Variants in ZNF804B observed in about 807,000 individuals in gnomAD.
The protein encoded by ZNF804B is zinc finger protein 804B.
Under a neutral mutation model 101.4 loss-of-function variants are expected in ZNF804B, and 80 were observed. The ratio of observed to expected loss-of-function variants is 0.79; its 90% CI spans 0.66 to 0.95. The LOEUF (loss-of-function observed/expected upper bound fraction) is 0.95. Ranked by LOEUF, ZNF804B falls within the 40% of genes least tolerant of loss-of-function variation. The pLI, the probability that ZNF804B is intolerant of heterozygous loss-of-function variation, is 0.00. For missense variants in ZNF804B, 1,673 were observed against 1,561.9 expected, an observed-to-expected ratio of 1.07 and a Z score of -1.20; for synonymous variants, 622 against 558.8, an observed-to-expected ratio of 1.11 and a Z score of -1.59.
intron 1 of ZNF804B, among the ~76,000 whole-genome samples, chr7:88,763,326 G>C (rs920080729): frequency 2.0e-5 from 3 of 152,020 alleles, no homozygotes; most frequent in Non-Finnish European, 4.4e-5. Context: ...GAGAAATAAA[G>C]CATTTTACCC....
At chr7:89,145,958 T>A (rs1294134219) in intron 1 of ZNF804B, among the ~76,000 whole-genome samples, 2 of 152,112 alleles carry the variant, frequency 1.3e-5, no homozygotes, top group African/African-American at 4.8e-5. Context: ...CTCAAAAACT[T>A]TCTGGCATGA....
chr7:88,958,337 C>A (rs796360212), intron 1 of ZNF804B, among the ~76,000 whole-genome samples: 1 of 151,432 alleles, frequency 6.6e-6, no homozygotes, highest in Non-Finnish European at 1.5e-5. Context: ...GGAGGCTCCT[C>A]GTGCATATGA....
At chr7:88,898,179 C>T (rs1291578239) in intron 1 of ZNF804B, among the ~76,000 whole-genome samples, 2 of 143,186 alleles carry the variant, frequency 1.4e-5, no homozygotes, top group African/African-American at 2.6e-5. Flanking sequence ...CTCCGCCTCC[C>T]GGGTTCACGC....
At chr7:89,080,292 CT>C (rs1341275940) in intron 1 of ZNF804B, among the ~76,000 whole-genome samples, 3 of 131,512 alleles carry the variant, frequency 2.3e-5, no homozygotes, top group Admixed American at 2.3e-4. Flanking sequence ...GTCTCTTCAC[CT>C]TAAAAAAAAA....
At chr7:89,265,293 TGCGC>T (rs1554386387) in intron 2 of ZNF804B, among the ~76,000 whole-genome samples, 4 of 120,606 alleles carry the variant, frequency 3.3e-5, no homozygotes, top group Admixed American at 9.0e-5. Flanking sequence ...TGTGTGTGTG[TGCGC>T]GTGCGCGCGC....
intron 1 of ZNF804B, among the ~76,000 whole-genome samples, chr7:89,142,676 C>A (rs931339885): frequency 1.3e-5 from 2 of 151,934 alleles, no homozygotes; most frequent in African/African-American, 4.8e-5. Context: ...GTTCTGGCAC[C>A]CATTCAGTGG....
At chr7:89,109,343 A>C (rs2116349722) in intron 1 of ZNF804B, among the ~76,000 whole-genome samples, 1 of 152,302 alleles carries the variant, frequency 6.6e-6, no homozygotes, top group African/African-American at 2.4e-5. Context: ...AGAATAGCCA[A>C]AATGTTCAAA....
intron 1 of ZNF804B, among the ~76,000 whole-genome samples, chr7:89,053,722 C>A (rs1421776042): frequency 1.3e-5 from 2 of 151,888 alleles, no homozygotes; most frequent in African/African-American, 4.8e-5. Context: ...TTCTTGCTCT[C>A]TCTTTCTCTC....
chr7:88,869,694 A>C (rs187159993), intron 1 of ZNF804B, among the ~76,000 whole-genome samples: 2 of 152,272 alleles, frequency 1.3e-5, no homozygotes, highest in Non-Finnish European at 2.9e-5. Context: ...TTTGAGTATG[A>C]GAATATGTGT....
chr7:89,197,809 T>TTAAAGATATCTTG (rs1172205092), intron 1 of ZNF804B, among the ~76,000 whole-genome samples: 1 of 151,890 alleles, frequency 6.6e-6, no homozygotes, highest in Non-Finnish European at 1.5e-5. Flanking sequence ...AAGATATCTT[T>TTAAAGATATCTTG]AGTTAAAGAT....
intron 1 of ZNF804B, among the ~76,000 whole-genome samples, chr7:88,897,939 A>G (rs1008286034): frequency 3.9e-5 from 6 of 151,978 alleles, no homozygotes; most frequent in Non-Finnish European, 8.8e-5. Flanking sequence ...TGTCAAAACA[A>G]TCTAAGTATT....
chr7:88,876,735 C>T (rs1191750377), intron 1 of ZNF804B, among the ~76,000 whole-genome samples: 1 of 151,818 alleles, frequency 6.6e-6, no homozygotes, highest in Non-Finnish European at 1.5e-5. Flanking sequence ...GTGCTTTCAT[C>T]TTCTTAATTA....
At chr7:89,235,288 G>A (rs906726359) in intron 2 of ZNF804B, among the ~76,000 whole-genome samples, 1 of 152,068 alleles carries the variant, frequency 6.6e-6, no homozygotes, top group Non-Finnish European at 1.5e-5. Context: ...AAACCATTAG[G>A]TATTAGCAGA....
chr7:88,966,459 C>A (rs891826662), intron 1 of ZNF804B, among the ~76,000 whole-genome samples: 1 of 151,478 alleles, frequency 6.6e-6, no homozygotes, highest in Non-Finnish European at 1.5e-5. Context: ...CAAGTATGAC[C>A]TGTAGTTTTA....
At chr7:88,854,535 C>CCT (rs1554340262) in intron 1 of ZNF804B, among the ~76,000 whole-genome samples, 13 of 72,298 alleles carry the variant, frequency 1.8e-4, no homozygotes, top group African/African-American at 9.6e-4. Context: ...CCTTTCCTTC[C>CCT]TTCCTTCCTT....
At chr7:88,999,953 C>T (rs1788260498) in intron 1 of ZNF804B, among the ~76,000 whole-genome samples, 1 of 151,958 alleles carries the variant, frequency 6.6e-6, no homozygotes, top group South Asian at 2.1e-4. Context: ...GATTTTTACT[C>T]AATGCATAAG....
intron 1 of ZNF804B, among the ~76,000 whole-genome samples, chr7:88,805,963 CTTTT>C (rs35873026): frequency 6.9e-6 from 1 of 144,136 alleles, no homozygotes; most frequent in African/African-American, 2.5e-5. Flanking sequence ...TAGCTTTGTG[CTTTT>C]TTTTTTTTTT....
At chr7:89,182,019 G>A (rs1402089679) in intron 1 of ZNF804B, among the ~76,000 whole-genome samples, 1 of 152,108 alleles carries the variant, frequency 6.6e-6, no homozygotes, top group Non-Finnish European at 1.5e-5. Flanking sequence ...TTTCTGAATT[G>A]ACAACTAATT....
intron 1 of ZNF804B, among the ~76,000 whole-genome samples, chr7:89,031,992 G>C (rs1035330976): frequency 6.6e-6 from 1 of 151,414 alleles, no homozygotes; most frequent in African/African-American, 2.4e-5. Flanking sequence ...GATACAACCT[G>C]TTCAGTGGCT....
Sources: allele counts gnomAD v4.1 joint callset (sites outside exome capture counted in the v4.1 genomes callset), GRCh38; gene constraint gnomAD v4.1.1; transcripts MANE v1.5; gene names NCBI Gene and HGNC (gene_info 2026-07-23, HGNC 2026-07-21).